HID1: variants seen among roughly 807,000 people sequenced by gnomAD.
The protein encoded by HID1 is HID1 domain containing.
A neutral mutation model predicts 89.7 loss-of-function variants in HID1; 42 were observed. The ratio of observed to expected loss-of-function variants is 0.47; its 90% CI spans 0.37 to 0.61. The LOEUF is 0.61. Among genes scored for constraint, HID1 ranks in the 20% least tolerant of loss-of-function variants. HID1 has a pLI of 0.00. For missense variants in HID1, 854 were observed against 1,039.3 expected (o/e 0.82, Z 2.45); for synonymous variants, 442 against 433.8 (o/e 1.02, Z -0.24).
rs372906069 is a variant in HID1 at position 74,951,560 on chromosome 17, G to A, written c.*10C>T. Reference sequence around the variant, plus strand: ...CTTCCCCTAGACTGAGCCCCTCGTCGGCTTCATCCTCACACCCGCTGTATC... The same window carrying A: ...CTTCCCCTAGACTGAGCCCCTCGTCAGCTTCATCCTCACACCCGCTGTATC... On this transcript the variant is annotated 3_prime_UTR_variant, in exon 19 of 19. Transcript: ENST00000425042. 193 of 1,609,090 alleles carry A rather than the reference G, an allele frequency of 1.2e-4. No homozygotes were observed. The highest frequency in any genetic ancestry group is 7.2e-4 in the South Asian group (65 of 89,788).
intron 16 of HID1, 100 bp downstream of exon 16, chr17:74,952,906 C>T (rs980058169): frequency 4.5e-6 from 4 of 896,342 alleles, no homozygotes; most frequent in African/African-American, 3.4e-5. Context: ...GCCATCTTCA[C>T]TGAGCTTCCC....
chr17:74,951,657 C>A (rs2039301206), intron 18 of HID1, 24 bp from the exon 19 acceptor site: 1 of 1,607,022 alleles, frequency 6.2e-7, no homozygotes, highest in Admixed American at 1.7e-5. Context: ...GGGGGGTTAC[C>A]CAGGTGCTGG....
Position 74,962,899 on chromosome 17 carries a change from T to A in HID1, c.504+66A>T. 8.3e-7 allele frequency: 1 copy of A among 1,201,240 alleles called. No individual in the cohort carries two copies. The highest frequency in any genetic ancestry group is 1.3e-5 in the South Asian group (1 of 74,222). The allele number at this position is 1,201,240 out of a possible 1,614,324, so 74.4% of individuals were successfully genotyped here. On this transcript the variant is annotated intron_variant, in intron 4 of 18. Transcript: ENST00000425042. The surrounding 1 kb of genome is among the most constrained non-coding windows in gnomAD (Gnocchi z 4.3). ...GCAATCCGCCCAAGGGAACTTCAAC[T>A]GGCCCGGCCCCAACCCAGGACCAGA...
intron 1 of HID1, among the ~76,000 whole-genome samples, chr17:74,968,201 G>A (rs1052419197): frequency 2.6e-5 from 4 of 151,300 alleles, no homozygotes; most frequent in African/African-American, 7.3e-5. Context: ...GGGAACCTCC[G>A]GCCCCACCCC....
At chr17:74,971,386 C>A (rs1055346631) in intron 1 of HID1, among the ~76,000 whole-genome samples, 1 of 152,220 alleles carries the variant, frequency 6.6e-6, no homozygotes, top group Non-Finnish European at 1.5e-5. Flanking sequence ...GAGAGAAGTG[C>A]GGTCTGGTTT....
At chr17:74,971,435 G>C (rs1422984608) in intron 1 of HID1, among the ~76,000 whole-genome samples, 1 of 152,258 alleles carries the variant, frequency 6.6e-6, no homozygotes, top group Non-Finnish European at 1.5e-5. Flanking sequence ...ACTCTCCAGA[G>C]GCCCTGGGCA....
In HID1 at chr17:74,951,900, C is replaced by A; in HGVS notation, c.2303+5G>T. On this transcript the variant is annotated splice_donor_5th_base_variant and intron_variant, in intron 18 of 18. Coordinates refer to ENST00000425042, the MANE Select transcript of HID1 (RefSeq NM_030630.3). ...GTGGACACCACCCCACTCCCCGGGG[C>A]CCACCTCAGATAGATGACGCCCCAC... 6.6e-7 allele frequency: 1 copy of A among 1,512,030 alleles called. No individual in the cohort carries two copies. 93.7% of individuals were successfully genotyped at this position (1,512,030 alleles called of 1,614,324 possible).
intron 18 of HID1, 23 bp downstream of exon 18, chr17:74,951,882 C>A: frequency 1.3e-6 from 2 of 1,493,046 alleles, no homozygotes; most frequent in South Asian, 1.4e-5. Context: ...CAGGTGGACA[C>A]CACCCCACTC....
In HID1 at chr17:74,963,817, C is replaced by G. The variant is rs777577968; in HGVS notation, c.310G>C (p.Val104Leu). ...GGGTCCTCAAAGATGTAGGGCAGCA[C>G]GCGGGTGAGCAGCCGGCTGCAGTTC... ...VLNCSRLLTR[V>L]LPYIFEDPDW... Residue 104 changes from valine (V) to leucine (L), a missense_variant, in exon 3 of 19, where the codon GTG (valine) becomes CTG (leucine). Transcript: ENST00000425042. The G allele has an allele frequency of 2.1e-5, 34 of 1,613,988 alleles. No homozygotes were observed. Among genetic ancestry groups the G allele is most frequent in the Non-Finnish European group, 2.5e-5 (30 of 1,180,018 alleles).
In HID1 at chr17:74,972,092, A is replaced by T. The variant is rs1033991904; in HGVS notation, c.66+499T>A. On this transcript the variant is annotated intron_variant, in intron 1 of 18. Coordinates refer to ENST00000425042, the MANE Select transcript of HID1 (RefSeq NM_030630.3). The surrounding 1 kb of genome is among the most constrained non-coding windows in gnomAD (Gnocchi z 6.4). ...TGCCCACGGGCATCGACCAGGGCCC[A>T]GCGAGGCCGCTGCCGCGCACACCAG... Among the ~76,000 whole-genome samples the T allele has an allele frequency of 1.6e-4, 24 of 152,192 alleles. No homozygotes were observed. The highest frequency in any genetic ancestry group is 3.6e-4 in the African/African-American group (15 of 41,446).
chr17:74,951,953 C>T lies in HID1; in HGVS notation c.2255G>A (p.Gly752Asp). 1 of 1,560,202 alleles carries T rather than the reference C, an allele frequency of 6.4e-7. No individual in the cohort carries two copies. Among genetic ancestry groups the T allele is most frequent in the Non-Finnish European group, 8.7e-7 (1 of 1,152,894 alleles). Residue 752 changes from glycine to aspartate, a missense_variant, in exon 18 of 19, where the codon GGC becomes GAC. Coordinates refer to ENST00000425042, the MANE Select transcript of HID1 (RefSeq NM_030630.3). ...ILIRKYQANS[G>D]TAMWFRTYMW... ...GTAGGTGCGGAACCACATGGCAGTG[C>T]CCGAGTTGGCCTGGTACTTGCGGAT...
In HID1 at chr17:74,960,169, G is replaced by A. The variant is rs1205992642; in HGVS notation, c.808C>T (p.His270Tyr). ...DPVGYGIPYNHLLFSDYREPL... is the reference protein window; with the variant it reads ...DPVGYGIPYNYLLFSDYREPL... ...TCCCGGTAGTCAGAGAAGAGCAGGT[G>A]GTTGTAGGGGATCCCGTAGCCCACA... The change falls in exon 7 of 19, where the codon CAC (histidine) becomes TAC (tyrosine). Residue 270 changes from histidine (H) to tyrosine (Y), a missense_variant. Transcript: ENST00000425042. 5.6e-6 allele frequency: 9 copies of A among 1,613,962 alleles called. No homozygotes were observed. The highest frequency in any genetic ancestry group is 7.6e-6 in the Non-Finnish European group (9 of 1,180,036).
In HID1 at chr17:74,958,104, G is replaced by C; in HGVS notation, c.1471+37C>G. On this transcript the variant is annotated intron_variant, in intron 12 of 18. Coordinates refer to ENST00000425042, the MANE Select transcript of HID1 (RefSeq NM_030630.3). The surrounding 1 kb of genome is among the most constrained non-coding windows in gnomAD (Gnocchi z 5.2). ...TTGGCCTGTGGCCTGACACCACCTG[G>C]TGGTGAGCGCGGGGAGTGCAAGCTC... 4.5e-6 allele frequency: 7 copies of C among 1,560,610 alleles called. No individual in the cohort carries two copies. Among genetic ancestry groups the C allele is most frequent in the Non-Finnish European group, 6.1e-6 (7 of 1,152,410 alleles).
chr17:74,968,635 G>A (rs1009830016), intron 1 of HID1, among the ~76,000 whole-genome samples: 11 of 152,176 alleles, frequency 7.2e-5, no homozygotes, highest in African/African-American at 2.4e-4. Context: ...ACAGCCCTCT[G>A]GCACTCCCTG....
chr17:74,951,391 G>A lies in HID1; in HGVS notation c.*179C>T, dbSNP rs1382285801. 4 of 627,286 alleles carry A rather than the reference G, an allele frequency of 6.4e-6. No individual in the cohort carries two copies. The highest frequency in any genetic ancestry group is 2.8e-5 in the East Asian group (1 of 36,216). 38.9% of individuals were successfully genotyped at this position (627,286 alleles called of 1,614,324 possible). On this transcript the variant is annotated 3_prime_UTR_variant, in exon 19 of 19. Transcript: ENST00000425042. ...TGAGTCCAGCCTAGGGGTTGAGGGG[G>A]ATCTGAGCCAGTTCACATTGTCCTG...
chr17:74,963,657 G>T, intron 3 of HID1, 83 bp downstream of exon 3: 3 of 1,346,272 alleles, frequency 2.2e-6, no homozygotes, highest in Non-Finnish European at 3.0e-6. Flanking sequence ...GAAGAGGCTT[G>T]GAGGAGCATG....
intron 1 of HID1, among the ~76,000 whole-genome samples, chr17:74,965,605 G>A (rs567641411): frequency 8.5e-5 from 13 of 152,164 alleles, no homozygotes; most frequent in African/African-American, 2.4e-4. Context: ...CCATTCCCAC[G>A]GAGGCAACAG....
chr17:74,958,853 C>A lies in HID1; in HGVS notation c.1149+58G>T. 1 of 1,581,684 alleles carries A rather than the reference C, an allele frequency of 6.3e-7. No individual in the cohort carries two copies. The highest frequency in any genetic ancestry group is 1.2e-5 in the South Asian group (1 of 86,756). On this transcript the variant is annotated intron_variant, in intron 9 of 18. Transcript: ENST00000425042. The surrounding 1 kb of genome is among the most constrained non-coding windows in gnomAD (Gnocchi z 5.2). ...CTCAGTCTGACACTGTCCCTGCCCC[C>A]GGGTTATTGGGGCAGCTGCTCTCCA...
chr17:74,955,595 G>T (rs1323844379), intron 13 of HID1, among the ~76,000 whole-genome samples, 197 bp downstream of exon 13: 1 of 152,202 alleles, frequency 6.6e-6, no homozygotes, highest in Non-Finnish European at 1.5e-5. Flanking sequence ...AAGAAGCAAA[G>T]CTTTGTTCCC....
Sources: allele counts gnomAD v4.1 joint callset (sites outside exome capture counted in the v4.1 genomes callset), GRCh38; gene constraint gnomAD v4.1.1; non-coding constraint Gnocchi (gnomAD v3.1); transcripts MANE v1.5; gene names NCBI Gene and HGNC (gene_info 2026-07-23, HGNC 2026-07-21).